The following STYK1 variants were observed in gnomAD, a reference collection of about 807,000 sequenced individuals.
The protein encoded by STYK1 is tyrosine-protein kinase STYK1.
STYK1 carries 46 observed loss-of-function variants against 48.1 expected under a neutral mutation model. That is an observed-to-expected ratio of 0.96 (90% CI 0.75 to 1.22). STYK1 has a LOEUF of 1.22. Among genes scored for constraint, STYK1 ranks in the 50% most tolerant of loss-of-function variants. The pLI, the probability that STYK1 is intolerant of heterozygous loss-of-function variation, is 0.00. For synonymous variants in STYK1, 188 were observed against 189.0 expected (o/e 0.99, Z 0.04); for missense variants, 527 against 521.1 (o/e 1.01, Z -0.11).
chr12:10,661,023 T>C (rs1947771501), intron 1 of STYK1, among the ~76,000 whole-genome samples: 1 of 152,130 alleles, frequency 6.6e-6, no homozygotes, highest in African/African-American at 2.4e-5. Context: ...CCCTGAATTC[T>C]TTCTTGAGTG....
rs538811969 is a variant in STYK1 at position 10,632,718 on chromosome 12, T to C, written c.187+1272A>G. 7.9e-5 allele frequency among the ~76,000 whole-genome samples: 12 copies of C among 152,232 alleles called. No individual in the cohort carries two copies. The South Asian group carries it at 2.1e-3, about 26-fold the overall frequency. On this transcript the variant is annotated intron_variant, in intron 4 of 10. Coordinates refer to ENST00000075503, the MANE Select transcript of STYK1 (RefSeq NM_018423.3). The stretch of plus-strand genomic sequence containing the variant: ...TGATCAGTGAGATGTGAGAGTAACT[T>C]GGGTTTATTTTGAAAATAGGGTAAC...
At chr12:10,658,022 A>C (rs1414917076) in intron 1 of STYK1, among the ~76,000 whole-genome samples, 1 of 152,240 alleles carries the variant, frequency 6.6e-6, no homozygotes, top group African/African-American at 2.4e-5. Flanking sequence ...GATGAAGCTG[A>C]AAATTTGAGC....
rs1166353689 is a variant in STYK1 at position 10,619,627 on chromosome 12, A to G, written c.*517T>C. 2 of 166,674 alleles carry G rather than the reference A, an allele frequency of 1.2e-5. No individual in the cohort carries two copies. The highest frequency in any genetic ancestry group is 2.4e-5 in the African/African-American group (1 of 42,058). 10.3% of individuals were successfully genotyped at this position (166,674 alleles called of 1,614,324 possible). A position where few individuals can be genotyped will look rare whatever the true frequency, so the allele number is the denominator to read the frequency against. ...CGTTATAGTTCTCCTCCAACCCCAC[A>G]TGTAGGGCTCAGGACTGAAGAACTT... On this transcript the variant is annotated 3_prime_UTR_variant, in exon 11 of 11. Transcript: ENST00000075503.
chr12:10,645,504 T>A (rs571277654), intron 1 of STYK1, among the ~76,000 whole-genome samples: 2 of 152,224 alleles, frequency 1.3e-5, no homozygotes, highest in Middle Eastern at 3.4e-3. Context: ...GAGGCCTGTA[T>A]CAGGCATAAA....
intron 10 of STYK1, among the ~76,000 whole-genome samples, chr12:10,621,421 A>G (rs1865904321): frequency 6.6e-6 from 1 of 152,208 alleles, no homozygotes; most frequent in Non-Finnish European, 1.5e-5. Context: ...AAAGTTAAAT[A>G]CTAAATAAGA....
intron 1 of STYK1, among the ~76,000 whole-genome samples, chr12:10,654,329 A>G (rs1450465676): frequency 6.6e-6 from 1 of 152,178 alleles, no homozygotes; most frequent in Non-Finnish European, 1.5e-5. Context: ...TGGAGTAGCC[A>G]TTCCTTTTTT....
intron 1 of STYK1, among the ~76,000 whole-genome samples, chr12:10,657,373 A>G (rs558646645): frequency 6.6e-6 from 1 of 152,226 alleles, no homozygotes. Context: ...TATGTGTAAC[A>G]TTTATATATG....
chr12:10,673,189 T>C (rs188302155), intron 1 of STYK1, among the ~76,000 whole-genome samples: 40 of 152,034 alleles, frequency 2.6e-4, no homozygotes, highest in Non-Finnish European at 4.9e-4. Flanking sequence ...GAGGCTAAAA[T>C]GGTGAAACCC....
chr12:10,668,703 C>T (rs1165217654), intron 1 of STYK1, among the ~76,000 whole-genome samples: 1 of 151,942 alleles, frequency 6.6e-6, no homozygotes, highest in Non-Finnish European at 1.5e-5. Context: ...CCGTAATTAG[C>T]TTCTTTACCT....
chr12:10,663,401 G>A (rs1591704373), intron 1 of STYK1, among the ~76,000 whole-genome samples: 1 of 151,694 alleles, frequency 6.6e-6, no homozygotes. Context: ...TCATGAGGTC[G>A]GGAGATCGAG....
chr12:10,653,155 C>T (rs1382898663), intron 1 of STYK1, among the ~76,000 whole-genome samples: 1 of 151,986 alleles, frequency 6.6e-6, no homozygotes, highest in African/African-American at 2.4e-5. Flanking sequence ...TTACTGCAAG[C>T]TCCGCCTCCT....
chr12:10,670,015 C>T (rs1947875263), intron 1 of STYK1, among the ~76,000 whole-genome samples: 1 of 152,134 alleles, frequency 6.6e-6, no homozygotes, highest in Non-Finnish European at 1.5e-5. Flanking sequence ...GGAATGCTTG[C>T]ACACTGTTGG....
chr12:10,626,768 A>G lies in STYK1; in HGVS notation c.717+873T>C, dbSNP rs554621474. Among the ~76,000 whole-genome samples the G allele has an allele frequency of 7.2e-5, 11 of 152,240 alleles. No individual in the cohort carries two copies. The South Asian group carries it at 2.3e-3, about 32-fold the overall frequency. ...ATGCCTGTAATCCCAGCACTTTGGG[A>G]GGCCGAGGCGCGCGGATCACGAGGT... is the stretch of plus-strand genomic sequence containing the variant. On this transcript the variant is annotated intron_variant, in intron 7 of 10. Transcript: ENST00000075503.
At chr12:10,622,588 C>T (rs201415570) in intron 9 of STYK1, 50 bp downstream of exon 9, 176 of 1,607,680 alleles carry the variant, frequency 1.1e-4, no homozygotes, top group South Asian at 8.5e-4. Flanking sequence ...TAAATAAACA[C>T]GCTTGCATAT....
At chr12:10,626,939 G>A (rs915182321) in intron 7 of STYK1, among the ~76,000 whole-genome samples, 2 of 152,248 alleles carry the variant, frequency 1.3e-5, no homozygotes, top group East Asian at 1.9e-4. Context: ...CCTGGGAGGC[G>A]GAGCTTCCAG....
chr12:10,626,519 C>A (rs747420008), intron 7 of STYK1, among the ~76,000 whole-genome samples: 1 of 152,122 alleles, frequency 6.6e-6, no homozygotes, highest in Non-Finnish European at 1.5e-5. Flanking sequence ...ATATTTCACA[C>A]CTCAAAGTAG....
chr12:10,628,400 A>C (rs1169341354), intron 6 of STYK1, among the ~76,000 whole-genome samples: 2 of 152,234 alleles, frequency 1.3e-5, no homozygotes, highest in African/African-American at 2.4e-5. Flanking sequence ...TGGAACAAGA[A>C]AAACATATAA....
chr12:10,623,514 A>G (rs952397446), intron 8 of STYK1, among the ~76,000 whole-genome samples: 1 of 152,210 alleles, frequency 6.6e-6, no homozygotes, highest in African/African-American at 2.4e-5. Context: ...AATTGCAATT[A>G]TATGTAGTTA....
At chr12:10,639,922 A>T (rs1312553958) in intron 1 of STYK1, among the ~76,000 whole-genome samples, 1 of 152,156 alleles carries the variant, frequency 6.6e-6, no homozygotes, top group African/African-American at 2.4e-5. Flanking sequence ...ACTAACATAC[A>T]CTCAATTTGG....
Sources: allele counts gnomAD v4.1 joint callset (sites outside exome capture counted in the v4.1 genomes callset), GRCh38; gene constraint gnomAD v4.1.1; transcripts MANE v1.5; gene names NCBI Gene and HGNC (gene_info 2026-07-23, HGNC 2026-07-21).